Variants in SHANK2 observed in about 807,000 individuals in gnomAD.
SHANK2 encodes SH3 and multiple ankyrin repeat domains protein 2.
Under a neutral mutation model 133.7 loss-of-function variants are expected in SHANK2, and 43 were observed. The observed-to-expected ratio is 0.32, with a 90% CI of 0.25 to 0.41. The LOEUF is 0.41. Ranked by LOEUF, SHANK2 falls within the 10% of genes least tolerant of loss-of-function variation. The probability of loss-of-function intolerance (pLI) is 1.00; values close to 1 mark genes in which losing one functional copy is unlikely to be tolerated. For missense variants in SHANK2, 1,994 were observed against 2,235.8 expected, an observed-to-expected ratio of 0.89 and a Z score of 2.18; for synonymous variants, 1,017 against 952.8, an observed-to-expected ratio of 1.07 and a Z score of -1.24.
intron 14 of SHANK2, among the ~76,000 whole-genome samples, chr11:70,733,994 G>A (rs782302355): frequency 5.3e-5 from 8 of 152,290 alleles, no homozygotes; most frequent in East Asian, 3.9e-4. Flanking sequence ...GTACTTGCTC[G>A]CGCACTCACA....
In SHANK2 at chr11:70,569,650, G is replaced by A. The variant is rs539582238; in HGVS notation, c.2062-66719C>T. Among the ~76,000 whole-genome samples, 168 of 152,292 alleles carry A rather than the reference G, an allele frequency of 1.1e-3. No individual in the cohort carries two copies. The highest frequency in any genetic ancestry group is 1.0e-3 in the South Asian group (5 of 4,824). ...AGGAGTGCCCAGTGACCCAGTCCTG[G>A]CCAATCAGGGGTTCCCGTTTCCCAG... On this transcript the variant is annotated intron_variant, in intron 17 of 25. Transcript: ENST00000601538. This position sits in a 1 kb window ranked among gnomAD's most constrained non-coding sequence, Gnocchi z 5.1.
chr11:71,242,477 G>A (rs1246773785), intron 1 of SHANK2, among the ~76,000 whole-genome samples: 2 of 152,070 alleles, frequency 1.3e-5, no homozygotes, highest in Non-Finnish European at 2.9e-5. Flanking sequence ...ATCACACACC[G>A]CTTCCTTTAC....
chr11:70,680,582 C>A (rs1945007447), intron 15 of SHANK2, among the ~76,000 whole-genome samples: 1 of 152,216 alleles, frequency 6.6e-6, no homozygotes, highest in South Asian at 2.1e-4. Context: ...CCAGGACCAT[C>A]TCCTAATCCA....
At chr11:71,197,048 T>C (rs1953919994) in intron 2 of SHANK2, among the ~76,000 whole-genome samples, 1 of 149,540 alleles carries the variant, frequency 6.7e-6, no homozygotes. Context: ...ATTTATTGGA[T>C]GAAGGCCCTC....
At chr11:70,666,396 G>A (rs955024605) in intron 15 of SHANK2, among the ~76,000 whole-genome samples, 1 of 152,184 alleles carries the variant, frequency 6.6e-6, no homozygotes, top group Non-Finnish European at 1.5e-5. Context: ...AGACAGGGGG[G>A]TCTCACACGC....
At chr11:70,934,265 C>T (rs78466905) in intron 10 of SHANK2, among the ~76,000 whole-genome samples, 1 of 116,378 alleles carries the variant, frequency 8.6e-6, no homozygotes, top group Non-Finnish European at 1.8e-5. Context: ...AAAAAAAAAA[C>T]AGCAGCAACA....
intron 2 of SHANK2, among the ~76,000 whole-genome samples, chr11:71,204,284 C>T (rs1414722434): frequency 7.2e-5 from 11 of 152,218 alleles, no homozygotes; most frequent in Non-Finnish European, 1.5e-5. Context: ...GGCGTGCTCA[C>T]ATGGTAACTG....
intron 17 of SHANK2, among the ~76,000 whole-genome samples, chr11:70,630,249 G>T (rs1555001593): frequency 1.3e-5 from 2 of 152,232 alleles, no homozygotes; most frequent in African/African-American, 4.8e-5. Context: ...CCAGACGGCA[G>T]GCAGCAGCGA....
intron 1 of SHANK2, among the ~76,000 whole-genome samples, chr11:71,242,278 C>A (rs1409434934): frequency 6.6e-6 from 1 of 152,132 alleles, no homozygotes; most frequent in East Asian, 1.9e-4. Flanking sequence ...TTCAGTTCTG[C>A]AAGCTGAAGA....
intron 11 of SHANK2, among the ~76,000 whole-genome samples, chr11:70,881,004 T>C (rs191558632): frequency 1.3e-5 from 2 of 152,358 alleles, no homozygotes; most frequent in Admixed American, 1.3e-4. Context: ...ATCCCAACCC[T>C]GAACGACAAT....
intron 17 of SHANK2, among the ~76,000 whole-genome samples, chr11:70,538,864 T>C (rs913042258): frequency 6.6e-6 from 1 of 152,162 alleles, no homozygotes; most frequent in African/African-American, 2.4e-5. Flanking sequence ...GAGTGCTGTC[T>C]CAGGGGCACC....
intron 10 of SHANK2, among the ~76,000 whole-genome samples, chr11:70,921,358 G>A (rs1466810979): frequency 6.6e-6 from 1 of 152,178 alleles, no homozygotes; most frequent in Non-Finnish European, 1.5e-5. Context: ...CCAGACTCAG[G>A]AAAAGGACTG....
rs981745680 is a variant in SHANK2 at position 71,220,431 on chromosome 11, T to C, written c.-13+4266A>G. On this transcript the variant is annotated intron_variant, in intron 2 of 25. Transcript: ENST00000601538. ...CTGCCATTCCATTTCTGGGGGTAGG[T>C]ATATGCCTGAAAGAACGGGTGGATA... 1.6e-4 allele frequency among the ~76,000 whole-genome samples: 25 copies of C among 152,204 alleles called. 1 individual carries two copies. In the East Asian group the frequency reaches 2.3e-3, roughly 14 times the overall value.
chr11:70,667,560 C>T (rs1356067477), intron 15 of SHANK2, among the ~76,000 whole-genome samples: 1 of 152,184 alleles, frequency 6.6e-6, no homozygotes, highest in Non-Finnish European at 1.5e-5. Flanking sequence ...CCCTTTCTCC[C>T]ACTGGGCGCC....
intron 2 of SHANK2, among the ~76,000 whole-genome samples, chr11:71,221,314 T>C (rs1201878169): frequency 2.0e-5 from 3 of 152,130 alleles, no homozygotes; most frequent in African/African-American, 4.8e-5. Context: ...ATGAGCAGGA[T>C]TGGACCCTCA....
At chr11:71,185,440 G>T (rs1237211415) in intron 2 of SHANK2, among the ~76,000 whole-genome samples, 1 of 152,188 alleles carries the variant, frequency 6.6e-6, no homozygotes, top group East Asian at 1.9e-4. Context: ...CTGAGTAATG[G>T]CCAGGAAGAG....
At chr11:71,194,648 C>A (rs1196026511) in intron 2 of SHANK2, among the ~76,000 whole-genome samples, 11 of 152,172 alleles carry the variant, frequency 7.2e-5, no homozygotes, top group African/African-American at 2.2e-4. Context: ...GTCTTCAGAG[C>A]CAACCTGCAA....
intron 17 of SHANK2, among the ~76,000 whole-genome samples, chr11:70,631,411 C>CT (rs2060989539): frequency 6.6e-6 from 1 of 152,042 alleles, no homozygotes; most frequent in African/African-American, 2.4e-5. Flanking sequence ...CACACACACC[C>CT]ACACAACCTC....
intron 9 of SHANK2, among the ~76,000 whole-genome samples, chr11:71,073,136 C>CTTTTCTTTTTTTTTTTTTTT (rs1951164763): frequency 6.9e-5 from 5 of 72,398 alleles, no homozygotes; most frequent in Non-Finnish European, 1.4e-4. Flanking sequence ...TGTTTTTTTT[C>CTTTTCTTTTTTTTTTTTTTT]TTTTTCTTTT....
Sources: gnomAD v4.1 joint callset for allele counts (sites outside exome capture counted in the v4.1 genomes callset) on GRCh38, gnomAD v4.1.1 for gene constraint, Gnocchi (gnomAD v3.1) non-coding constraint, MANE v1.5 for transcripts, NCBI Gene and HGNC (gene_info 2026-07-23, HGNC 2026-07-21) for gene names.